Variants in PEAK1 observed in about 807,000 individuals in gnomAD.
PEAK1 encodes the protein pseudopodium enriched atypical kinase 1.
A neutral mutation model predicts 124.7 loss-of-function variants in PEAK1; 54 were observed. That is an observed-to-expected ratio of 0.43 (90% CI 0.35 to 0.54). The LOEUF (loss-of-function observed/expected upper bound fraction) is 0.54. Ranked by LOEUF, PEAK1 falls within the 20% of genes least tolerant of loss-of-function variation. The pLI, the probability that PEAK1 is intolerant of heterozygous loss-of-function variation, is 0.01. For missense variants in PEAK1, 2,046 were observed against 2,134.5 expected (o/e 0.96, Z 0.82); for synonymous variants, 719 against 760.0 (o/e 0.95, Z 0.89).
At chr15:77,144,018 C>T (rs1214950967) in intron 8 of PEAK1, among the ~76,000 whole-genome samples, 2 of 152,212 alleles carry the variant, frequency 1.3e-5, no homozygotes, top group Non-Finnish European at 2.9e-5. Context: ...AAAATAATCA[C>T]AGACATGAGA....
intron 6 of PEAK1, among the ~76,000 whole-genome samples, chr15:77,236,350 G>A (rs1458311565): frequency 6.6e-6 from 1 of 152,224 alleles, no homozygotes. Flanking sequence ...TGACCTGAAT[G>A]TGAGACGTGG....
chr15:77,192,583 A>G (rs2057890029), intron 6 of PEAK1, among the ~76,000 whole-genome samples: 1 of 152,346 alleles, frequency 6.6e-6, no homozygotes, highest in East Asian at 1.9e-4. Flanking sequence ...TCACTGGACT[A>G]CTAAAGTGAG....
chr15:77,163,243 T>G (rs1047994158), intron 7 of PEAK1, among the ~76,000 whole-genome samples: 2 of 152,240 alleles, frequency 1.3e-5, no homozygotes, highest in Admixed American at 6.5e-5. Flanking sequence ...TTAATTGAGA[T>G]TTGGTATGTC....
At chr15:77,366,273 G>A (rs1024486919) in intron 1 of PEAK1, among the ~76,000 whole-genome samples, 1 of 151,992 alleles carries the variant, frequency 6.6e-6, no homozygotes, top group African/African-American at 2.4e-5. Flanking sequence ...ACAACTTACA[G>A]ACCTCCCAGC....
chr15:77,263,386 GA>G (rs2061543977), intron 5 of PEAK1, among the ~76,000 whole-genome samples: 1 of 150,842 alleles, frequency 6.6e-6, no homozygotes, highest in Admixed American at 6.6e-5. Context: ...AAAGAGAGAA[GA>G]ATCAAATAGA....
chr15:77,321,609 C>T (rs1264801282), intron 2 of PEAK1, among the ~76,000 whole-genome samples: 1 of 152,150 alleles, frequency 6.6e-6, no homozygotes. Context: ...TGTAGGTTGC[C>T]TGTTCACTCT....
intron 2 of PEAK1, among the ~76,000 whole-genome samples, chr15:77,354,448 C>G (rs561164442): frequency 5.9e-5 from 9 of 152,318 alleles, no homozygotes; most frequent in Non-Finnish European, 1.0e-4. Context: ...TCCAAAATAT[C>G]TTTCATACTA....
chr15:77,201,208 G>A (rs967169137), intron 6 of PEAK1, among the ~76,000 whole-genome samples: 3 of 140,112 alleles, frequency 2.1e-5, no homozygotes, highest in African/African-American at 7.9e-5. Context: ...TAGTTTTACT[G>A]TATAAATTGA....
intron 6 of PEAK1, among the ~76,000 whole-genome samples, chr15:77,251,655 T>G (rs1290395898): frequency 6.6e-6 from 1 of 152,102 alleles, no homozygotes; most frequent in Non-Finnish European, 1.5e-5. Context: ...AGGCGGGACT[T>G]TACTCCAGAG....
At chr15:77,385,820 T>C (rs190231323) in intron 1 of PEAK1, among the ~76,000 whole-genome samples, 1 of 152,324 alleles carries the variant, frequency 6.6e-6, no homozygotes, top group Admixed American at 6.5e-5. Context: ...TAACACCAAC[T>C]GCCTCCTGAC....
chr15:77,335,217 T>G (rs1478485941), intron 2 of PEAK1: 1 of 985,330 alleles, frequency 1.0e-6, no homozygotes, highest in Non-Finnish European at 1.2e-6. Context: ...CTCAGAAAGA[T>G]TCTCCTTCAG....
At chr15:77,415,340 G>A (rs574800960) in intron 1 of PEAK1, among the ~76,000 whole-genome samples, 35 of 152,272 alleles carry the variant, frequency 2.3e-4, no homozygotes, top group East Asian at 1.9e-4. Context: ...CTTGGAAGCC[G>A]TTTACAAAGA....
chr15:77,333,847 T>G, intron 2 of PEAK1: 1 of 591,128 alleles, frequency 1.7e-6, no homozygotes, highest in Non-Finnish European at 2.1e-6. Flanking sequence ...AATTCCAACT[T>G]CATAATGCTA....
chr15:77,265,011 T>A (rs904208726), intron 5 of PEAK1, among the ~76,000 whole-genome samples: 3 of 152,286 alleles, frequency 2.0e-5, no homozygotes, highest in Admixed American at 2.0e-4. Flanking sequence ...GGGAAAGGAT[T>A]CCCTATTTAA....
intron 1 of PEAK1, among the ~76,000 whole-genome samples, chr15:77,385,076 G>C (rs2069810852): frequency 6.6e-6 from 1 of 152,128 alleles, no homozygotes; most frequent in African/African-American, 2.4e-5. Context: ...ATACTTTCCT[G>C]AAATACTGAG....
At position 77,116,255 on chromosome 15, in the gene PEAK1, AG is replaced by A. The variant is rs1326395540; in HGVS notation, c.4078-937del. Among the ~76,000 whole-genome samples, 3 of 152,308 alleles carry A rather than the reference AG, an allele frequency of 2.0e-5. No individual in the cohort carries two copies. The East Asian group carries it at 5.8e-4, about 29-fold the overall frequency. On this transcript the variant is annotated intron_variant, in intron 9 of 9. Coordinates refer to ENST00000682557, the MANE Select transcript of PEAK1 (RefSeq NM_001385026.1). ...CGTGGAAGACTGAGTCTCTAATACTAGTTCATGGATCATAATAGTCTGGTCT... is the reference window on the plus strand; with the variant it reads ...CGTGGAAGACTGAGTCTCTAATACTATTCATGGATCATAATAGTCTGGTCT...
intron 1 of PEAK1, chr15:77,370,821 G>A (rs918726329): frequency 1.3e-6 from 1 of 794,044 alleles, no homozygotes; most frequent in Admixed American, 6.3e-5. Flanking sequence ...AATGAGGTCA[G>A]GAGTTCGAGA....
intron 9 of PEAK1, among the ~76,000 whole-genome samples, chr15:77,118,296 T>C (rs1354826811): frequency 6.6e-6 from 1 of 152,170 alleles, no homozygotes; most frequent in Non-Finnish European, 1.5e-5. Context: ...TAATAGGATT[T>C]TGCTTGATGG....
intron 2 of PEAK1, among the ~76,000 whole-genome samples, chr15:77,291,763 G>A (rs908531149): frequency 1.3e-5 from 2 of 152,020 alleles, no homozygotes; most frequent in African/African-American, 2.4e-5. Context: ...GGACCACGAG[G>A]TCAGGAGATC....
Sources: gnomAD v4.1 joint callset for allele counts (sites outside exome capture counted in the v4.1 genomes callset) on GRCh38, gnomAD v4.1.1 for gene constraint, MANE v1.5 for transcripts, NCBI Gene and HGNC (gene_info 2026-07-23, HGNC 2026-07-21) for gene names.